TBPL2: variants seen among roughly 807,000 people sequenced by gnomAD.
The protein encoded by TBPL2 is TATA-box binding protein like 2.
TBPL2 carries 40 observed loss-of-function variants against 38.2 expected under a neutral mutation model. The ratio of observed to expected loss-of-function variants is 1.05; its 90% CI spans 0.81 to 1.36. The LOEUF (loss-of-function observed/expected upper bound fraction) is 1.36. Ranked by LOEUF, TBPL2 falls within the 40% of genes most tolerant of loss-of-function variation. The pLI is 0.00. For missense variants in TBPL2, 461 were observed against 456.7 expected, an observed-to-expected ratio of 1.01 and a Z score of -0.09; for synonymous variants, 169 against 171.7, an observed-to-expected ratio of 0.98 and a Z score of 0.12.
chr14:55,436,644 G>A (rs771346384), exon 2 of TBPL2: 14 of 1,614,204 alleles, frequency 8.7e-6, no homozygotes, highest in Middle Eastern at 1.6e-4. Flanking sequence ...ACAAGGAGTC[G>A]GAGTTTGGTT....
intron 4 of TBPL2, among the ~76,000 whole-genome samples, chr14:55,433,142 T>A (rs982803698): frequency 8.6e-5 from 13 of 152,042 alleles, no homozygotes; most frequent in African/African-American, 2.9e-4. Flanking sequence ...TTATTTTTTT[T>A]AATAGAGACA....
At chr14:55,440,266 T>C in intron 1 of TBPL2, 130 bp downstream of exon 1, 1 of 1,178,732 alleles carries the variant, frequency 8.5e-7, no homozygotes, top group Non-Finnish European at 1.2e-6. Context: ...AACCTTCAAC[T>C]TAATGACTTG....
chr14:55,433,087 G>A (rs549938109), intron 4 of TBPL2, among the ~76,000 whole-genome samples: 4 of 152,018 alleles, frequency 2.6e-5, no homozygotes, highest in East Asian at 1.9e-4. Flanking sequence ...AAGTCCCCTC[G>A]GTTTAATAGG....
intron 6 of TBPL2, among the ~76,000 whole-genome samples, chr14:55,422,698 A>G (rs1302600260): frequency 6.6e-6 from 1 of 152,156 alleles, no homozygotes; most frequent in East Asian, 1.9e-4. Context: ...CGAAAAATAC[A>G]AAACATTAGC....
chr14:55,431,569 T>A (rs1203844408), intron 4 of TBPL2, among the ~76,000 whole-genome samples: 1 of 152,220 alleles, frequency 6.6e-6, no homozygotes, highest in Non-Finnish European at 1.5e-5. Context: ...ATTACAGACA[T>A]CTTGCACAAC....
intron 6 of TBPL2, among the ~76,000 whole-genome samples, chr14:55,418,295 A>G (rs1885696015): frequency 6.6e-6 from 1 of 152,204 alleles, no homozygotes; most frequent in African/African-American, 2.4e-5. Context: ...TTTATTAAAT[A>G]TCTGTAATTT....
At chr14:55,438,222 T>C (rs1167686452) in intron 1 of TBPL2, among the ~76,000 whole-genome samples, 4 of 152,224 alleles carry the variant, frequency 2.6e-5, no homozygotes, top group Non-Finnish European at 4.4e-5. Flanking sequence ...CTACCTCCGC[T>C]AATGTACGTC....
chr14:55,437,091 T>C, intron 1 of TBPL2, 73 bp from the exon 2 acceptor site: 3 of 1,347,002 alleles, frequency 2.2e-6, no homozygotes, highest in Non-Finnish European at 3.2e-6. Flanking sequence ...GGGATGTCAC[T>C]ATGGCAGGCA....
At chr14:55,417,453 TAAA>T (rs539769285) in intron 6 of TBPL2, among the ~76,000 whole-genome samples, 5,978 of 91,118 alleles carry the variant, frequency 0.066, 220 homozygotes, top group Middle Eastern at 0.087. Context: ...ACCCTTGCCT[TAAA>T]AAAAAAAAAA....
chr14:55,437,033 AAACAGACAGACAAAAACAC>A lies in TBPL2; in HGVS notation c.151-34_151-16del. 6.2e-7 allele frequency: 1 copy of A among 1,608,516 alleles called. No homozygotes were observed. The highest frequency in any genetic ancestry group is 8.5e-7 in the Non-Finnish European group (1 of 1,175,190). ...GCAAGGCCATCCTAGGCAGTTCCCA[AAACAGACAGACAAAAACAC>A]AACAGACAGAACAGCATGTTACACA... On this transcript the variant is annotated splice_polypyrimidine_tract_variant and intron_variant, in intron 1 of 6. Transcript: ENST00000247219.
chr14:55,416,585 G>A (rs1294419368), intron 6 of TBPL2, among the ~76,000 whole-genome samples: 1 of 152,128 alleles, frequency 6.6e-6, no homozygotes, highest in Non-Finnish European at 1.5e-5. Context: ...CTGGTTCTTT[G>A]GGGTAGAAAA....
intron 4 of TBPL2, among the ~76,000 whole-genome samples, chr14:55,431,971 AC>A (rs928257500): frequency 1.3e-5 from 2 of 152,240 alleles, no homozygotes; most frequent in African/African-American, 4.8e-5. Flanking sequence ...ACAAAGCAGG[AC>A]CTGAAAAAGA....
chr14:55,437,711 T>C (rs1312943964), intron 1 of TBPL2, among the ~76,000 whole-genome samples: 2 of 152,196 alleles, frequency 1.3e-5, no homozygotes, highest in Non-Finnish European at 2.9e-5. Flanking sequence ...TTATAAACTT[T>C]AGTTGACTTT....
chr14:55,436,081 C>T (rs1445521127), intron 2 of TBPL2, 147 bp from the exon 3 acceptor site: 5 of 502,014 alleles, frequency 1.0e-5, no homozygotes, highest in Non-Finnish European at 1.7e-5. Flanking sequence ...TGACATGATT[C>T]CTAGTTAAGT....
At chr14:55,429,988 A>C (rs1217459550) in intron 4 of TBPL2, among the ~76,000 whole-genome samples, 1 of 152,056 alleles carries the variant, frequency 6.6e-6, no homozygotes, top group Non-Finnish European at 1.5e-5. Context: ...TCTTCAATTC[A>C]ATTCAAACTC....
intron 6 of TBPL2, among the ~76,000 whole-genome samples, chr14:55,421,076 AAAG>A (rs1480825823): frequency 6.6e-5 from 10 of 151,662 alleles, no homozygotes; most frequent in Non-Finnish European, 1.3e-4. Flanking sequence ...AAAAAAAAAA[AAAG>A]AAAAAAGAAA....
At chr14:55,439,787 C>A (rs969357479) in intron 1 of TBPL2, among the ~76,000 whole-genome samples, 1 of 151,624 alleles carries the variant, frequency 6.6e-6, no homozygotes, top group Non-Finnish European at 1.5e-5. Context: ...AAAAATTAGC[C>A]GGGCGTAGTG....
chr14:55,428,663 T>C (rs936734213), intron 5 of TBPL2, 144 bp downstream of exon 5: 2 of 848,236 alleles, frequency 2.4e-6, no homozygotes, highest in East Asian at 2.7e-5. Flanking sequence ...AACTCAGGCA[T>C]AGCATCTTAA....
rs937410748 is a variant in TBPL2 at position 55,435,938 on chromosome 14, A to C, written c.609-4T>G. 1.9e-6 allele frequency: 3 copies of C among 1,555,644 alleles called. No homozygotes were observed. The highest frequency in any genetic ancestry group is 2.8e-5 in the African/African-American group (2 of 71,308). ...GTTTACAGTGGAAACTATATTCCTG[A>C]AGAAATAAGTCAGTTTAGAAACTTA... On this transcript the variant is annotated splice_region_variant and splice_polypyrimidine_tract_variant and intron_variant, in intron 2 of 6. Coordinates refer to ENST00000247219, the Ensembl canonical transcript of TBPL2.
Sources: allele counts gnomAD v4.1 joint callset (sites outside exome capture counted in the v4.1 genomes callset), GRCh38; gene constraint gnomAD v4.1.1; transcripts MANE v1.5; gene names NCBI Gene and HGNC (gene_info 2026-07-23, HGNC 2026-07-21).